ZNF365: variants seen among roughly 807,000 people sequenced by gnomAD.
The protein encoded by ZNF365 is zinc finger protein 365.
A neutral mutation model predicts 35.0 loss-of-function variants in ZNF365; 22 were observed. The ratio of observed to expected loss-of-function variants is 0.63; its 90% CI spans 0.45 to 0.90. ZNF365 has a LOEUF of 0.90. Among genes scored for constraint, ZNF365 ranks in the 40% least tolerant of loss-of-function variants. The pLI is 0.00. For missense variants in ZNF365, 448 were observed against 500.3 expected (o/e 0.90, Z 1.00); for synonymous variants, 188 against 196.2 (o/e 0.96, Z 0.35).
chr10:62,398,566 C>A (rs1005787625), intron 3 of ZNF365, among the ~76,000 whole-genome samples, 174 bp from the exon 4 acceptor site: 1 of 152,108 alleles, frequency 6.6e-6, no homozygotes, highest in African/African-American at 2.4e-5. Context: ...AAAGGCTGAG[C>A]ATGAGATGTT....
chr10:62,456,694 A>G (rs2132477549), intron 3 of ZNF365, among the ~76,000 whole-genome samples: 1 of 152,334 alleles, frequency 6.6e-6, no homozygotes, highest in South Asian at 2.1e-4. Flanking sequence ...TTCATCTTCA[A>G]GTTCTATGTG....
At chr10:62,436,152 A>T (rs1434102222) in intron 3 of ZNF365, among the ~76,000 whole-genome samples, 1 of 152,178 alleles carries the variant, frequency 6.6e-6, no homozygotes, top group Non-Finnish European at 1.5e-5. Flanking sequence ...TAAAGGAGCC[A>T]CCACCATCTA....
intron 3 of ZNF365, among the ~76,000 whole-genome samples, chr10:62,395,719 A>G: frequency 6.6e-6 from 1 of 151,970 alleles, no homozygotes; most frequent in Non-Finnish European, 1.5e-5. Context: ...GTCATGCTCA[A>G]AGGAAATGCT....
chr10:62,453,577 T>C (rs2132475083), intron 3 of ZNF365, among the ~76,000 whole-genome samples: 1 of 152,372 alleles, frequency 6.6e-6, no homozygotes, highest in South Asian at 2.1e-4. Flanking sequence ...CTATTGTGAA[T>C]AGTGCTTCAA....
chr10:62,432,110 C>G (rs145557830), intron 3 of ZNF365, among the ~76,000 whole-genome samples: 303 of 152,182 alleles, frequency 2.0e-3, no homozygotes, highest in African/African-American at 7.0e-3. Flanking sequence ...ATTTGTCTGC[C>G]ACTTGAGACT....
chr10:62,389,469 G>A (rs1300574294), intron 3 of ZNF365, among the ~76,000 whole-genome samples: 2 of 151,106 alleles, frequency 1.3e-5, no homozygotes, highest in Admixed American at 6.6e-5. Flanking sequence ...CACCCCCGCA[G>A]CAAATGGGCT....
chr10:62,398,912 A>G (rs1839776618), intron 4 of ZNF365, 135 bp downstream of exon 4: 1 of 813,528 alleles, frequency 1.2e-6, no homozygotes, highest in African/African-American at 1.8e-5. Context: ...TTAAGTGAAA[A>G]CTGACCTGCA....
At chr10:62,449,772 T>C (rs200690157) in intron 3 of ZNF365, among the ~76,000 whole-genome samples, 1 of 151,608 alleles carries the variant, frequency 6.6e-6, no homozygotes, top group East Asian at 1.9e-4. Flanking sequence ...CTCCAAATCT[T>C]CCCAGTTGGT....
intron 3 of ZNF365, among the ~76,000 whole-genome samples, chr10:62,440,704 T>C (rs1564590627): frequency 6.6e-6 from 1 of 152,220 alleles, no homozygotes; most frequent in Non-Finnish European, 1.5e-5. Context: ...ATCTCATTAT[T>C]CAGAATCAGC....
intron 3 of ZNF365, among the ~76,000 whole-genome samples, chr10:62,445,317 T>G (rs200855444): frequency 8.1e-4 from 107 of 132,846 alleles, no homozygotes; most frequent in African/African-American, 1.3e-3. Context: ...GGTCAAATGG[T>G]ATTTCTAGTT....
At chr10:62,433,668 G>T (rs1000059812) in intron 3 of ZNF365, among the ~76,000 whole-genome samples, 1 of 152,170 alleles carries the variant, frequency 6.6e-6, no homozygotes, top group Non-Finnish European at 1.5e-5. Context: ...CAGGTTGAGA[G>T]CATCCTGAGA....
At chr10:62,396,045 C>T (rs1423355862) in intron 3 of ZNF365, among the ~76,000 whole-genome samples, 1 of 152,102 alleles carries the variant, frequency 6.6e-6, no homozygotes, top group African/African-American at 2.4e-5. Flanking sequence ...TTTCCATCTG[C>T]CTGACGCCAA....
chr10:62,441,152 A>G lies in ZNF365; in HGVS notation c.925-18589A>G, dbSNP rs901619266. On this transcript the variant is annotated intron_variant, in intron 3 of 4. Transcript: ENST00000395255. ...TATTATTATTATCCCCATTTTATAG[A>G]TAAGAAATGAATAACCAGTGAGGTT... is the stretch of plus-strand genomic sequence containing the variant. Among the ~76,000 whole-genome samples, 4 of 152,216 alleles carry G rather than the reference A, an allele frequency of 2.6e-5. No individual in the cohort carries two copies. In the East Asian group the frequency reaches 7.7e-4, roughly 29 times the overall value.
intron 3 of ZNF365, among the ~76,000 whole-genome samples, chr10:62,453,772 T>C (rs1840721701): frequency 1.3e-5 from 2 of 152,218 alleles, no homozygotes; most frequent in African/African-American, 2.4e-5. Flanking sequence ...TATGAAAGTA[T>C]GTAGCCATAA....
At chr10:62,462,277 C>A (rs1840860430) in intron 4 of ZNF365, among the ~76,000 whole-genome samples, 1 of 152,232 alleles carries the variant, frequency 6.6e-6, no homozygotes, top group African/African-American at 2.4e-5. Flanking sequence ...CTCTTCATAT[C>A]AAATAGGTAC....
chr10:62,472,320 T>C (rs2132491535), intron 4 of ZNF365, among the ~76,000 whole-genome samples: 1 of 152,348 alleles, frequency 6.6e-6, no homozygotes, highest in South Asian at 2.1e-4. Context: ...CCAATATCTT[T>C]CTGTAATCAG....
Position 62,376,866 on chromosome 10 carries a change from G to A in ZNF365, c.673G>A (p.Ala225Thr), listed in dbSNP as rs1839344376. ...GGCCTTAAACAGACAGGTGGACGTG[G>A]CCGTGGAAATGATAGCTGTACTGAG... ...ERALNRQVDVAVEMIAVLRQR... is the reference protein window; with the variant it reads ...ERALNRQVDVTVEMIAVLRQR... The change falls in exon 2 of 5, where the codon GCC (alanine) becomes ACC (threonine). Residue 225 changes from alanine (A) to threonine (T), a missense_variant. This residue lies in a region of ZNF365 where 362 missense variants were observed against 375.7 expected (regional missense o/e 0.96). Coordinates refer to ENST00000395254, the MANE Select transcript of ZNF365 (RefSeq NM_014951.3). The A allele has an allele frequency of 1.9e-6, 3 of 1,614,032 alleles. No individual in the cohort carries two copies. Among genetic ancestry groups the A allele is most frequent in the Admixed American group, 1.7e-5 (1 of 60,004 alleles).
At chr10:62,393,097 T>C (rs561607314) in intron 3 of ZNF365, among the ~76,000 whole-genome samples, 3 of 152,212 alleles carry the variant, frequency 2.0e-5, no homozygotes, top group Admixed American at 2.0e-4. Flanking sequence ...ATTATCAATA[T>C]TCCTGTTCGC....
chr10:62,402,951 A>G (rs1839853660), downstream of ZNF365, among the ~76,000 whole-genome samples: 1 of 152,168 alleles, frequency 6.6e-6, no homozygotes, highest in Non-Finnish European at 1.5e-5. Flanking sequence ...TTTGTTTAGG[A>G]GCTGTGAGAG....
Sources: allele counts gnomAD v4.1 joint callset (sites outside exome capture counted in the v4.1 genomes callset), GRCh38; gene constraint gnomAD v4.1.1; regional missense constraint gnomAD v4.1.1; transcripts MANE v1.5; gene names NCBI Gene and HGNC (gene_info 2026-07-23, HGNC 2026-07-21).